The following PHLDB1 variants were observed in gnomAD, a reference collection of about 807,000 sequenced individuals.
PHLDB1 encodes the protein pleckstrin homology like domain family B member 1, also known as pleckstrin homology-like domain family B member 1.
In PHLDB1, 65 loss-of-function variants were observed where a neutral mutation model predicts 139.3. The ratio of observed to expected loss-of-function variants is 0.47; its 90% CI spans 0.38 to 0.57. PHLDB1 has a LOEUF of 0.57. Ranked by LOEUF, PHLDB1 falls within the 20% of genes least tolerant of loss-of-function variation. PHLDB1 has a pLI of 0.00. For synonymous variants in PHLDB1, 679 were observed against 734.5 expected, an observed-to-expected ratio of 0.92 and a Z score of 1.22; for missense variants, 1,624 against 1,839.7, an observed-to-expected ratio of 0.88 and a Z score of 2.14.
chr11:118,612,348 C>G (rs1940619068), intron 1 of PHLDB1, among the ~76,000 whole-genome samples: 1 of 152,082 alleles, frequency 6.6e-6, no homozygotes, highest in Non-Finnish European at 1.5e-5. Context: ...TTTCTTAACC[C>G]CTTTTTTACA....
intron 1 of PHLDB1, chr11:118,613,491 G>A: frequency 9.7e-7 from 1 of 1,032,766 alleles, no homozygotes; most frequent in South Asian, 3.5e-5. Context: ...ACAGGGCCAA[G>A]GGTCTTCAGC....
intron 6 of PHLDB1, among the ~76,000 whole-genome samples, chr11:118,629,458 G>C (rs920444096): frequency 6.6e-6 from 1 of 152,186 alleles, no homozygotes. Context: ...GTACACAGTC[G>C]AGCCCATGTA....
At chr11:118,609,460 C>A (rs896224266) in intron 1 of PHLDB1, among the ~76,000 whole-genome samples, 21 of 149,696 alleles carry the variant, frequency 1.4e-4, no homozygotes, top group Non-Finnish European at 2.7e-4. Context: ...GTCACACAGC[C>A]CCAGCCACAC....
intron 1 of PHLDB1, among the ~76,000 whole-genome samples, chr11:118,612,416 G>A (rs1251501916): frequency 6.6e-6 from 1 of 152,138 alleles, no homozygotes; most frequent in African/African-American, 2.4e-5. Flanking sequence ...AATGCTGAGG[G>A]ATTTCCCTGA....
intron 5 of PHLDB1, 155 bp from the exon 6 acceptor site, chr11:118,627,150 G>A (rs782747021): frequency 8.1e-5 from 56 of 692,884 alleles, no homozygotes; most frequent in African/African-American, 1.3e-4. Context: ...TGCATAGCAG[G>A]TCAGTGGCAG....
chr11:118,642,003 G>A, intron 12 of PHLDB1: 1 of 609,100 alleles, frequency 1.6e-6, no homozygotes. Flanking sequence ...AGTACATTCA[G>A]GGCAACTGTT....
In PHLDB1 at chr11:118,611,689, C is replaced by G. The variant is rs1940354761; in HGVS notation, c.-21-2127C>G. On this transcript the variant is annotated intron_variant, in intron 1 of 22. Coordinates refer to ENST00000600882, the MANE Select transcript of PHLDB1 (RefSeq NM_001144758.3). This position sits in a 1 kb window ranked among gnomAD's most constrained non-coding sequence, Gnocchi z 4.7. ...TGACCAACATGGAGAAACCCCGTCT[C>G]TACTAAAAATACAAAATTAGCTGGG... Among the ~76,000 whole-genome samples, 1 of 151,964 alleles carries G rather than the reference C, an allele frequency of 6.6e-6. No individual in the cohort carries two copies. Among genetic ancestry groups the G allele is most frequent in the Non-Finnish European group, 1.5e-5 (1 of 68,000 alleles).
intron 4 of PHLDB1, among the ~76,000 whole-genome samples, chr11:118,621,058 C>T (rs1555094333): frequency 1.4e-5 from 2 of 146,020 alleles, no homozygotes; most frequent in East Asian, 4.2e-4. Context: ...CTGCCACTGA[C>T]CTCTTACCAC....
chr11:118,627,839 T>C lies in PHLDB1; in HGVS notation c.1016T>C (p.Val339Ala). The C allele has an allele frequency of 6.2e-7, 1 of 1,607,232 alleles. No homozygotes were observed. The highest frequency in any genetic ancestry group is 8.5e-7 in the Non-Finnish European group (1 of 1,179,786). ...CTGACAGACAGCCCTGCAGCTACTG[T>C]CTTGGCGGAGGCCCGGAGAGCCACT... ...GLLTDSPAAT[V>A]LAEARRATES... is the part of the protein sequence containing the mutation. The change falls in exon 6 of 23, where the codon GTC becomes GCC. Residue 339 changes from valine to alanine, a missense_variant. By Grantham distance (64) the Val-to-Ala change is moderately conservative. Coordinates refer to ENST00000600882, the MANE Select transcript of PHLDB1 (RefSeq NM_001144758.3).
At chr11:118,639,988 G>GC in intron 12 of PHLDB1, 1 of 986,036 alleles carries the variant, frequency 1.0e-6, no homozygotes, top group Non-Finnish European at 1.2e-6. Flanking sequence ...ACTCTTCTCT[G>GC]CCCCAAAGCA....
chr11:118,655,639 T>C lies in PHLDB1; in HGVS notation c.3909T>C (p.Tyr1303=), dbSNP rs1440987542. ...KHETKLKGVI[Y]FQAIEEVYYD... Reference sequence around the variant, plus strand: ...AGACGAAGCTGAAGGGAGTCATCTATTTCCAGGCCATTGAGGAAGTGTACT... The same window carrying C: ...AGACGAAGCTGAAGGGAGTCATCTACTTCCAGGCCATTGAGGAAGTGTACT... Residue 1303 remains tyrosine, a synonymous_variant, in exon 21 of 23, where the codon TAT becomes TAC. Coordinates refer to ENST00000600882, the MANE Select transcript of PHLDB1 (RefSeq NM_001144758.3). The C allele has an allele frequency of 1.2e-5, 19 of 1,613,600 alleles. No homozygotes were observed. Among genetic ancestry groups the C allele is most frequent in the Non-Finnish European group, 1.6e-5 (19 of 1,179,750 alleles).
At position 118,610,861 on chromosome 11, in the gene PHLDB1, G is replaced by A. The variant is rs1940078944; in HGVS notation, c.-21-2955G>A. Among the ~76,000 whole-genome samples the A allele has an allele frequency of 1.3e-5, 2 of 152,220 alleles. No individual in the cohort carries two copies. Among genetic ancestry groups the A allele is most frequent in the African/African-American group, 4.8e-5 (2 of 41,466 alleles). Reference sequence around the variant, plus strand: ...GGTCACCTGCCGGCGCCCCGGCCTTGCGCACAGAGGGCCTTGCCTGTCGCT... The same window carrying A: ...GGTCACCTGCCGGCGCCCCGGCCTTACGCACAGAGGGCCTTGCCTGTCGCT... On this transcript the variant is annotated intron_variant, in intron 1 of 22. Transcript: ENST00000600882. The surrounding 1 kb of genome is among the most constrained non-coding windows in gnomAD (Gnocchi z 8.7).
intron 2 of PHLDB1, 92 bp downstream of exon 2, chr11:118,613,988 G>A: frequency 1.2e-6 from 1 of 804,106 alleles, no homozygotes; most frequent in Non-Finnish European, 2.1e-6. Flanking sequence ...AAGGATGAAA[G>A]GAGCAATTCT....
chr11:118,639,678 A>T, intron 12 of PHLDB1: 1 of 232,408 alleles, frequency 4.3e-6, no homozygotes, highest in Non-Finnish European at 7.9e-6. Flanking sequence ...GAGGCCCCTT[A>T]AGTGGTTCTT....
At chr11:118,642,424 C>T in intron 13 of PHLDB1, 30 bp downstream of exon 13, 1 of 1,598,174 alleles carries the variant, frequency 6.3e-7, no homozygotes, top group Non-Finnish European at 8.5e-7. Flanking sequence ...CCGTCCTCCC[C>T]AGCCTTTGCA....
intron 4 of PHLDB1, among the ~76,000 whole-genome samples, chr11:118,618,023 G>A (rs1394737190): frequency 6.6e-6 from 1 of 151,944 alleles, no homozygotes; most frequent in African/African-American, 2.4e-5. Flanking sequence ...TGCTTCTGTT[G>A]TCCAGTCTTT....
At chr11:118,614,731 C>T in intron 3 of PHLDB1, 49 bp downstream of exon 3, 1 of 1,588,490 alleles carries the variant, frequency 6.3e-7, no homozygotes, top group Non-Finnish European at 8.6e-7. Flanking sequence ...TCCTTATAGG[C>T]ATTCCTGCCC....
In PHLDB1 at chr11:118,650,256, T is replaced by C; in HGVS notation, c.3771+63T>C. The C allele has an allele frequency of 7.8e-7, 1 of 1,281,388 alleles. No homozygotes were observed. Among genetic ancestry groups the C allele is most frequent in the Non-Finnish European group, 1.1e-6 (1 of 877,186 alleles). The allele number at this position is 1,281,388 out of a possible 1,614,324, so 79.4% of individuals were successfully genotyped here. On this transcript the variant is annotated intron_variant, in intron 19 of 22. Coordinates refer to ENST00000600882, the MANE Select transcript of PHLDB1 (RefSeq NM_001144758.3). The surrounding 1 kb of genome is among the most constrained non-coding windows in gnomAD (Gnocchi z 4.7). ...GGAGAATCCCGTGGTGAGAGGCACC[T>C]CCTGGGTCGTTGGAATAGTGGCGTC...
rs782333386 is a variant in PHLDB1, at chr11:118,645,525, G to A, written c.3291G>A (p.Ala1097=). 26 of 1,612,952 alleles carry A rather than the reference G, an allele frequency of 1.6e-5. No individual in the cohort carries two copies. Among genetic ancestry groups the A allele is most frequent in the South Asian group, 1.3e-4 (12 of 90,874 alleles). The change falls in exon 16 of 23, where the codon GCG becomes GCA. Residue 1097 remains alanine, a synonymous_variant. Coordinates refer to ENST00000600882, the MANE Select transcript of PHLDB1 (RefSeq NM_001144758.3). The surrounding 1 kb of genome is among the most constrained non-coding windows in gnomAD (Gnocchi z 5.1). The stretch of plus-strand genomic sequence containing the variant: ...ACTCTATCCTACACCACCTGCCTGC[G>A]GGGCGGGAGCGTGGGGAGGAGGGTG... ...MHHSILHHLP[A]GRERGEEGEH... is the part of the protein sequence containing the mutation.
Sources: allele counts gnomAD v4.1 joint callset (sites outside exome capture counted in the v4.1 genomes callset), GRCh38; gene constraint gnomAD v4.1.1; non-coding constraint Gnocchi (gnomAD v3.1); transcripts MANE v1.5; gene names NCBI Gene and HGNC (gene_info 2026-07-23, HGNC 2026-07-21).